Variants in RSRC1 observed in about 807,000 individuals in gnomAD.
RSRC1 encodes arginine and serine rich coiled-coil 1, also known as serine/Arginine-related protein 53.
RSRC1 carries 39 observed loss-of-function variants against 49.1 expected under a neutral mutation model. That is an observed-to-expected ratio of 0.79 (90% CI 0.61 to 1.04). RSRC1 has a LOEUF of 1.04. RSRC1 is among the 50% of genes least tolerant of loss of function. The pLI is 0.00. For missense variants in RSRC1, 388 were observed against 402.4 expected (o/e 0.96, Z 0.31); for synonymous variants, 143 against 130.8 (o/e 1.09, Z -0.63).
chr3:158,278,936 T>G (rs1725973800), intron 4 of RSRC1, among the ~76,000 whole-genome samples: 1 of 152,226 alleles, frequency 6.6e-6, no homozygotes, highest in Admixed American at 6.5e-5. Context: ...ATATATTATT[T>G]TTAAAAATCA....
intron 4 of RSRC1, among the ~76,000 whole-genome samples, chr3:158,244,226 T>C (rs1723758287): frequency 6.6e-6 from 1 of 152,170 alleles, no homozygotes; most frequent in Non-Finnish European, 1.5e-5. Flanking sequence ...GCTTCCAGCT[T>C]TTGCCCATTC....
At position 158,544,814 on chromosome 3, in the gene RSRC1, T is replaced by C. The variant is rs1239038247; in HGVS notation, c.*539T>C. On this transcript the variant is annotated 3_prime_UTR_variant, in exon 10 of 10. Transcript: ENST00000611884. ...AAAAATTTTTGAAACTTAAATAAAT[T>C]GGTGATTTTGCTTAGAGATCAGCTT... is the stretch of plus-strand genomic sequence containing the variant. The C allele has an allele frequency of 6.6e-6, 1 of 152,298 alleles. No individual in the cohort carries two copies. The highest frequency in any genetic ancestry group is 2.4e-5 in the African/African-American group (1 of 41,472). 9.4% of individuals were successfully genotyped at this position (152,298 alleles called of 1,614,324 possible). A position where few individuals can be genotyped will look rare whatever the true frequency, so the allele number is the denominator to read the frequency against.
At chr3:158,430,732 A>C (rs1735734284) in intron 6 of RSRC1, among the ~76,000 whole-genome samples, 1 of 151,988 alleles carries the variant, frequency 6.6e-6, no homozygotes, top group Non-Finnish European at 1.5e-5. Flanking sequence ...GAGCATATTG[A>C]GATCATGTTT....
At chr3:158,297,198 G>C (rs994402971) in intron 4 of RSRC1, among the ~76,000 whole-genome samples, 1 of 151,954 alleles carries the variant, frequency 6.6e-6, no homozygotes, top group African/African-American at 2.4e-5. Context: ...AATATTGCTT[G>C]ATCAGAATGA....
At chr3:158,309,927 G>A (rs1268611405) in intron 5 of RSRC1, among the ~76,000 whole-genome samples, 1 of 151,520 alleles carries the variant, frequency 6.6e-6, no homozygotes, top group Non-Finnish European at 1.5e-5. Context: ...AAACTATTCT[G>A]TAGCATTTAA....
intron 5 of RSRC1, chr3:158,336,395 T>C (rs1729891789): frequency 6.6e-6 from 1 of 152,500 alleles, no homozygotes. Flanking sequence ...GGCAATTGAA[T>C]AGCTGGGCTT....
At chr3:158,316,812 G>T (rs1433102952) in intron 5 of RSRC1, among the ~76,000 whole-genome samples, 1 of 152,134 alleles carries the variant, frequency 6.6e-6, no homozygotes, top group African/African-American at 2.4e-5. Context: ...ACAAAGCATT[G>T]ACATATAAGC....
chr3:158,137,422 T>C (rs370469981), intron 3 of RSRC1, among the ~76,000 whole-genome samples: 1 of 150,136 alleles, frequency 6.7e-6, no homozygotes, highest in Non-Finnish European at 1.5e-5. Context: ...ATATATATAA[T>C]AACACTATTA....
intron 6 of RSRC1, among the ~76,000 whole-genome samples, chr3:158,451,651 A>G (rs1737042307): frequency 6.6e-6 from 1 of 152,096 alleles, no homozygotes; most frequent in Admixed American, 6.6e-5. Context: ...CAAAACACAT[A>G]GCATACAAAC....
At chr3:158,298,121 T>C in intron 5 of RSRC1, 46 bp downstream of exon 5, 1 of 1,388,016 alleles carries the variant, frequency 7.2e-7, no homozygotes, top group Non-Finnish European at 1.0e-6. Flanking sequence ...CTTTGATATC[T>C]GCATTCTAAA....
chr3:158,503,123 C>T (rs555986806), intron 7 of RSRC1, among the ~76,000 whole-genome samples: 1 of 152,154 alleles, frequency 6.6e-6, no homozygotes, highest in Non-Finnish European at 1.5e-5. Context: ...GACGTGGCTT[C>T]CTGTGAGCCA....
At chr3:158,212,548 A>C (rs1419348968) in intron 4 of RSRC1, among the ~76,000 whole-genome samples, 1 of 151,906 alleles carries the variant, frequency 6.6e-6, no homozygotes, top group Non-Finnish European at 1.5e-5. Flanking sequence ...GCCTAGTCTA[A>C]TTTATTTCAG....
At chr3:158,218,939 G>A (rs1722093950) in intron 4 of RSRC1, among the ~76,000 whole-genome samples, 1 of 151,666 alleles carries the variant, frequency 6.6e-6, no homozygotes, top group Admixed American at 6.6e-5. Context: ...AAACTTCCAT[G>A]TAGTTTGGAA....
chr3:158,437,835 A>G (rs529996353), intron 6 of RSRC1, among the ~76,000 whole-genome samples: 3 of 152,290 alleles, frequency 2.0e-5, no homozygotes, highest in East Asian at 1.9e-4. Flanking sequence ...AGGCAAAAGA[A>G]AGAAATAAAG....
chr3:158,261,597 G>A (rs909557020), intron 4 of RSRC1, among the ~76,000 whole-genome samples: 4 of 152,188 alleles, frequency 2.6e-5, no homozygotes, highest in South Asian at 2.1e-4. Flanking sequence ...AGTAGCAAGC[G>A]AAGCTTCATC....
intron 4 of RSRC1, among the ~76,000 whole-genome samples, chr3:158,270,191 G>C (rs756377857): frequency 1.8e-4 from 27 of 152,148 alleles, no homozygotes; most frequent in Non-Finnish European, 2.9e-4. Context: ...TGACGTGTAG[G>C]AGATCCATCA....
chr3:158,191,487 G>T (rs1720238217), intron 3 of RSRC1, among the ~76,000 whole-genome samples: 1 of 152,016 alleles, frequency 6.6e-6, no homozygotes, highest in Non-Finnish European at 1.5e-5. Flanking sequence ...TAAGAAACTT[G>T]ACAAATTGTT....
chr3:158,252,394 T>C (rs1204606498), intron 4 of RSRC1, among the ~76,000 whole-genome samples: 1 of 151,938 alleles, frequency 6.6e-6, no homozygotes, highest in African/African-American at 2.4e-5. Flanking sequence ...CTCGATCTCC[T>C]GACCTTGTGA....
chr3:158,521,379 A>C (rs1252325224), intron 7 of RSRC1, among the ~76,000 whole-genome samples: 1 of 152,048 alleles, frequency 6.6e-6, no homozygotes, highest in Non-Finnish European at 1.5e-5. Context: ...CCTTATCCCC[A>C]GGGTTTAGCA....
Sources: allele counts gnomAD v4.1 joint callset (sites outside exome capture counted in the v4.1 genomes callset), GRCh38; gene constraint gnomAD v4.1.1; transcripts MANE v1.5; gene names NCBI Gene and HGNC (gene_info 2026-07-23, HGNC 2026-07-21).